Variants in ARNT observed in about 807,000 individuals in gnomAD.
ARNT encodes aryl hydrocarbon receptor nuclear translocator.
Under a neutral mutation model 105.0 loss-of-function variants are expected in ARNT, and 30 were observed. The ratio of observed to expected loss-of-function variants is 0.29; its 90% CI spans 0.21 to 0.39. ARNT has a LOEUF of 0.39. Ranked by LOEUF, ARNT falls within the 10% of genes least tolerant of loss-of-function variation. The pLI, the probability that ARNT is intolerant of heterozygous loss-of-function variation, is 1.00. For synonymous variants in ARNT, 304 were observed against 344.0 expected (o/e 0.88, Z 1.29); for missense variants, 748 against 978.7 (o/e 0.76, Z 3.15).
chr1:150,850,326 T>C (rs921757565), intron 3 of ARNT, among the ~76,000 whole-genome samples: 2 of 152,182 alleles, frequency 1.3e-5, no homozygotes, highest in Admixed American at 6.5e-5. Flanking sequence ...CTCCCTCTGA[T>C]GCCGAGCCGA....
intron 4 of ARNT, among the ~76,000 whole-genome samples, chr1:150,844,886 T>G (rs1661912107): frequency 6.6e-6 from 1 of 151,168 alleles, no homozygotes; most frequent in African/African-American, 2.4e-5. Context: ...CTCTGCTCAC[T>G]GCAACCTCCA....
At chr1:150,812,235 G>A (rs1654881243) in intron 21 of ARNT, 125 bp from the exon 22 acceptor site, 1 of 592,158 alleles carries the variant, frequency 1.7e-6, no homozygotes, top group Non-Finnish European at 2.6e-6. Flanking sequence ...TGAGCTCTTA[G>A]CCTTCCTTAC....
intron 19 of ARNT, 68 bp from the exon 20 acceptor site, chr1:150,814,307 T>A: frequency 6.7e-7 from 1 of 1,497,046 alleles, no homozygotes; most frequent in Non-Finnish European, 9.2e-7. Context: ...ACCATGCCTA[T>A]GAGAGTCAAC....
At chr1:150,852,172 C>G (rs1028090720) in intron 3 of ARNT, among the ~76,000 whole-genome samples, 1 of 152,204 alleles carries the variant, frequency 6.6e-6, no homozygotes, top group Non-Finnish European at 1.5e-5. Context: ...TTACACCTCT[C>G]AGTATGTACT....
chr1:150,839,327 G>A (rs961802353), intron 6 of ARNT, 114 bp downstream of exon 6: 43 of 1,011,436 alleles, frequency 4.3e-5, no homozygotes, highest in Middle Eastern at 2.5e-4. Flanking sequence ...ATTGAAATTC[G>A]TTTTCCCATT....
At chr1:150,869,199 T>C (rs1402105950) in intron 1 of ARNT, among the ~76,000 whole-genome samples, 4 of 151,994 alleles carry the variant, frequency 2.6e-5, no homozygotes, top group African/African-American at 9.7e-5. Flanking sequence ...AATGTTAGGC[T>C]GGGCGCGCTA....
intron 4 of ARNT, 83 bp downstream of exon 4, chr1:150,846,180 A>AT (rs1662167595): frequency 8.2e-7 from 1 of 1,212,994 alleles, no homozygotes; most frequent in Non-Finnish European, 1.2e-6. Flanking sequence ...TCCAGAAAAA[A>AT]TTAAGTCAAT....
chr1:150,839,768 G>T (rs1660950501), intron 5 of ARNT, 114 bp from the exon 6 acceptor site: 2 of 1,118,652 alleles, frequency 1.8e-6, no homozygotes, highest in Non-Finnish European at 2.6e-6. Context: ...TTCAGATTTA[G>T]TGATGCTTAA....
chr1:150,852,507 T>C (rs1325348312), intron 3 of ARNT, among the ~76,000 whole-genome samples: 1 of 152,158 alleles, frequency 6.6e-6, no homozygotes, highest in East Asian at 1.9e-4. Flanking sequence ...TAACGAACTG[T>C]TGTTCTTTTT....
chr1:150,826,596 C>T lies in ARNT; in HGVS notation c.1189G>A (p.Val397Ile). 2 of 1,611,480 alleles carry T rather than the reference C, an allele frequency of 1.2e-6. No individual in the cohort carries two copies. Among genetic ancestry groups the T allele is most frequent in the Non-Finnish European group, 8.5e-7 (1 of 1,178,348 alleles). ...QPQELLGKNI[V>I]EFCHPEDQQL... is the part of the protein sequence containing the mutation. ...TGGTCTTCAGGATGACAGAATTCTA[C>T]AATATTCTTTCCTAAGAGTTCCTAG... The change falls in exon 13 of 22, where the codon GTA becomes ATA. Residue 397 changes from valine to isoleucine, a missense_variant. Transcript: ENST00000358595.
At chr1:150,820,599 G>A (rs970156538) in intron 14 of ARNT, among the ~76,000 whole-genome samples, 1 of 152,174 alleles carries the variant, frequency 6.6e-6, no homozygotes, top group Non-Finnish European at 1.5e-5. Context: ...TCAAGCTGCA[G>A]TGAGCCATGA....
intron 4 of ARNT, 79 bp downstream of exon 4, chr1:150,846,184 A>C: frequency 1.6e-6 from 2 of 1,241,724 alleles, no homozygotes; most frequent in Non-Finnish European, 2.3e-6. Flanking sequence ...GAAAAAATTA[A>C]GTCAATATGC....
At chr1:150,840,382 A>T (rs3820543) in intron 5 of ARNT, among the ~76,000 whole-genome samples, 11,302 of 152,300 alleles carry the variant, frequency 0.074, 593 homozygotes, top group East Asian at 0.18. Context: ...TTTAAAGGCC[A>T]GAAAATAAAA....
chr1:150,860,836 G>A (rs183107196), intron 1 of ARNT, among the ~76,000 whole-genome samples: 6 of 151,912 alleles, frequency 3.9e-5, no homozygotes, highest in East Asian at 2.0e-4. Flanking sequence ...CAGCCTGAGC[G>A]ACAGAGAAAG....
chr1:150,833,921 ATTTCTT>A (rs1285078227), intron 8 of ARNT, among the ~76,000 whole-genome samples: 5 of 151,114 alleles, frequency 3.3e-5, no homozygotes, highest in Non-Finnish European at 5.9e-5. Context: ...TGGGAAATTC[ATTTCTT>A]TTTCTTTTTC....
chr1:150,851,623 G>A (rs1245594878), intron 3 of ARNT, among the ~76,000 whole-genome samples: 2 of 152,178 alleles, frequency 1.3e-5, no homozygotes, highest in Admixed American at 6.5e-5. Flanking sequence ...TAAGGGCGGT[G>A]CAAGATGTGC....
At chr1:150,826,888 C>T (rs1186887240) in intron 12 of ARNT, among the ~76,000 whole-genome samples, 1 of 151,968 alleles carries the variant, frequency 6.6e-6, no homozygotes, top group African/African-American at 2.4e-5. Flanking sequence ...CTCAAGTGAT[C>T]CACCCGCCTC....
Position 150,830,000 on chromosome 1 carries a change from A to C in ARNT, c.956-20T>G. ...AAACACCTTCAGAAACGTGACGTTA[A>C]AAGGTTTAACGGGGACCTCCAACTC... On this transcript the variant is annotated intron_variant, in intron 10 of 21. Coordinates refer to ENST00000358595, the MANE Select transcript of ARNT (RefSeq NM_001668.4). 6.2e-7 allele frequency: 1 copy of C among 1,614,006 alleles called. No individual in the cohort carries two copies. The highest frequency in any genetic ancestry group is 1.1e-5 in the South Asian group (1 of 91,054).
intron 14 of ARNT, among the ~76,000 whole-genome samples, chr1:150,821,722 C>T (rs1262906994): frequency 1.3e-4 from 19 of 151,964 alleles, no homozygotes; most frequent in Admixed American, 1.2e-3. Flanking sequence ...GATCTCAGCT[C>T]ACTGCAACCT....
Sources: allele counts gnomAD v4.1 joint callset (sites outside exome capture counted in the v4.1 genomes callset), GRCh38; gene constraint gnomAD v4.1.1; transcripts MANE v1.5; gene names NCBI Gene and HGNC (gene_info 2026-07-23, HGNC 2026-07-21).